Variants in KAZN observed in about 807,000 individuals in gnomAD.
The protein encoded by KAZN is kazrin.
In KAZN, 40 loss-of-function variants were observed where a neutral mutation model predicts 87.4. That is an observed-to-expected ratio of 0.46 (90% CI 0.36 to 0.60). KAZN has a LOEUF of 0.60. KAZN is among the 20% of genes least tolerant of loss of function. The probability of loss-of-function intolerance (pLI) is 0.00; values close to 1 mark genes in which losing one functional copy is unlikely to be tolerated. For synonymous variants in KAZN, 466 were observed against 458.3 expected (o/e 1.02, Z -0.22); for missense variants, 898 against 1,073.9 (o/e 0.84, Z 2.29).
chr1:14,331,217 G>A (rs977708509), intron 2 of KAZN, among the ~76,000 whole-genome samples: 2 of 152,098 alleles, frequency 1.3e-5, no homozygotes, highest in Non-Finnish European at 1.5e-5. Flanking sequence ...GACTGTACTC[G>A]GAAACAGTGA....
chr1:15,101,173 T>TCTCTCTCTCTC (rs1553190092), intron 10 of KAZN, among the ~76,000 whole-genome samples: 2 of 150,782 alleles, frequency 1.3e-5, no homozygotes, highest in East Asian at 4.0e-4. Context: ...TTTCTCTCTC[T>TCTCTCTCTCTC]CTCTCTCTCT....
At chr1:14,667,407 T>A (rs893214316) in intron 1 of KAZN, among the ~76,000 whole-genome samples, 2 of 152,168 alleles carry the variant, frequency 1.3e-5, no homozygotes, top group Non-Finnish European at 2.9e-5. Context: ...ATCAGTTTGC[T>A]CCAACCTCTT....
At chr1:14,930,064 T>G in intron 1 of KAZN, 1 of 985,580 alleles carries the variant, frequency 1.0e-6, no homozygotes, top group Non-Finnish European at 1.2e-6. Flanking sequence ...TGCTGGCCGC[T>G]GTCCCAGCCC....
exon 2 of KAZN, chr1:14,180,490 G>A (rs1190279440): frequency 6.5e-7 from 1 of 1,550,304 alleles, no homozygotes; most frequent in Non-Finnish European, 8.7e-7. Flanking sequence ...TTGTCACCAA[G>A]TCGAAGGCAC....
At chr1:15,109,801 ATGTG>A (rs1283853298) in intron 13 of KAZN, among the ~76,000 whole-genome samples, 4 of 98,386 alleles carry the variant, frequency 4.1e-5, no homozygotes, top group Admixed American at 2.0e-4. Context: ...GTGTATGTGT[ATGTG>A]TGTGTTGTAT....
At chr1:14,071,638 T>C (rs1293461095) in intron 1 of KAZN, among the ~76,000 whole-genome samples, 1 of 152,168 alleles carries the variant, frequency 6.6e-6, no homozygotes, top group African/African-American at 2.4e-5. Flanking sequence ...TTGGACATGG[T>C]GTGTCCTCAG....
chr1:14,992,890 C>T (rs1380407223), intron 2 of KAZN, among the ~76,000 whole-genome samples: 1 of 151,798 alleles, frequency 6.6e-6, no homozygotes, highest in African/African-American at 2.4e-5. Flanking sequence ...GCGATCCACT[C>T]GCCTCAGCCT....
intron 3 of KAZN, among the ~76,000 whole-genome samples, chr1:15,035,322 A>G (rs1391689182): frequency 6.6e-6 from 1 of 152,192 alleles, no homozygotes; most frequent in African/African-American, 2.4e-5. Context: ...ACATTTACTA[A>G]CACCATAATA....
intron 1 of KAZN, among the ~76,000 whole-genome samples, chr1:14,906,778 A>T (rs745673537): frequency 6.7e-6 from 1 of 149,640 alleles, no homozygotes; most frequent in Non-Finnish European, 1.5e-5. Flanking sequence ...AGGTGGGGGA[A>T]AAAAACCACC....
At chr1:13,933,351 G>T (rs1464398882) in intron 1 of KAZN, among the ~76,000 whole-genome samples, 1 of 152,064 alleles carries the variant, frequency 6.6e-6, no homozygotes, top group Non-Finnish European at 1.5e-5. Flanking sequence ...AATTAGCCAG[G>T]CGTGGTGGCG....
chr1:14,663,015 G>C (rs915914542), intron 1 of KAZN, among the ~76,000 whole-genome samples: 7 of 150,376 alleles, frequency 4.7e-5, no homozygotes, highest in African/African-American at 1.7e-4. Flanking sequence ...GTGTTGCCCA[G>C]GGTGGAGTTC....
intron 1 of KAZN, among the ~76,000 whole-genome samples, chr1:14,805,190 G>A (rs904676717): frequency 2.0e-5 from 3 of 152,188 alleles, no homozygotes; most frequent in Non-Finnish European, 4.4e-5. Context: ...TCTTCTGTGA[G>A]AGTCCAGAGG....
intron 2 of KAZN, among the ~76,000 whole-genome samples, chr1:14,389,393 A>G (rs1203140800): frequency 6.6e-6 from 1 of 152,262 alleles, no homozygotes; most frequent in Non-Finnish European, 1.5e-5. Context: ...TCAAAGTGAT[A>G]TCTGCACTCC....
At chr1:14,951,046 A>G (rs1368644791) in intron 1 of KAZN, among the ~76,000 whole-genome samples, 1 of 152,186 alleles carries the variant, frequency 6.6e-6, no homozygotes, top group East Asian at 1.9e-4. Flanking sequence ...AGGGTTTTTA[A>G]GGGGATTGAG....
At chr1:14,379,101 T>A (rs1351791423) in intron 2 of KAZN, among the ~76,000 whole-genome samples, 1 of 149,268 alleles carries the variant, frequency 6.7e-6, no homozygotes. Context: ...TTTCCAGGCC[T>A]GAGCTCCCAG....
chr1:15,051,132 C>T (rs1302187790), intron 4 of KAZN, among the ~76,000 whole-genome samples: 1 of 152,268 alleles, frequency 6.6e-6, no homozygotes, highest in Non-Finnish European at 1.5e-5. Context: ...CCTCGGGATC[C>T]TCCCAGTCTT....
Position 14,820,820 on chromosome 1 carries a change from A to T in KAZN, c.227-139864A>T, listed in dbSNP as rs3820612. Among the ~76,000 whole-genome samples, 48,848 of 152,014 alleles carry T rather than the reference A, an allele frequency of 0.32. 8,245 individuals are homozygous for T. Among genetic ancestry groups the T allele is most frequent in the African/African-American group, 0.4 (16,401 of 41,450 alleles). ...GGCACAGTGGGGAGTGAAGGGGGCC[A>T]TGGCAGTCTGATGCAGGGAAGGGAT... is the stretch of plus-strand genomic sequence containing the variant. On this transcript the variant is annotated intron_variant, in intron 1 of 14. Transcript: ENST00000376030. The surrounding 1 kb of genome is among the most constrained non-coding windows in gnomAD (Gnocchi z 4.1).
At chr1:15,106,178 A>T (rs974682906) in intron 13 of KAZN, among the ~76,000 whole-genome samples, 19 of 152,142 alleles carry the variant, frequency 1.2e-4, no homozygotes, top group Admixed American at 6.5e-4. Flanking sequence ...GCTACTCAGG[A>T]GGCTGAGGCT....
intron 1 of KAZN, among the ~76,000 whole-genome samples, chr1:13,957,822 A>G (rs1641602212): frequency 6.6e-6 from 1 of 152,152 alleles, no homozygotes. Flanking sequence ...ACCTCTCATT[A>G]GGCCCCATCT....
Sources: allele counts gnomAD v4.1 joint callset (sites outside exome capture counted in the v4.1 genomes callset), GRCh38; gene constraint gnomAD v4.1.1; non-coding constraint Gnocchi (gnomAD v3.1); transcripts MANE v1.5; gene names NCBI Gene and HGNC (gene_info 2026-07-23, HGNC 2026-07-21).